Variants in EPB41L5 observed in about 807,000 individuals in gnomAD.
EPB41L5 encodes the protein band 4.1-like protein 5.
EPB41L5 carries 55 observed loss-of-function variants against 106.6 expected under a neutral mutation model. That is an observed-to-expected ratio of 0.52 (90% CI 0.42 to 0.65). The LOEUF is 0.65. Ranked by LOEUF, EPB41L5 falls within the 30% of genes least tolerant of loss-of-function variation. The pLI is 0.00. For missense variants in EPB41L5, 871 were observed against 882.1 expected, an observed-to-expected ratio of 0.99 and a Z score of 0.16; for synonymous variants, 297 against 306.7, an observed-to-expected ratio of 0.97 and a Z score of 0.33.
At chr2:120,033,079 A>C (rs1345971277) in intron 2 of EPB41L5, among the ~76,000 whole-genome samples, 2 of 152,230 alleles carry the variant, frequency 1.3e-5, no homozygotes, top group Non-Finnish European at 2.9e-5. Flanking sequence ...CACCATTTCT[A>C]AGGTTGATAC....
intron 12 of EPB41L5, among the ~76,000 whole-genome samples, 168 bp downstream of exon 12, chr2:120,090,684 G>C (rs1558866251): frequency 6.6e-6 from 1 of 152,112 alleles, no homozygotes; most frequent in Admixed American, 6.6e-5. Context: ...ATTGTTATTG[G>C]TTATAATTTC....
rs1017454547 is a variant in EPB41L5, at chr2:120,086,949, T to C, written c.804-222T>C. ...CATTTTCCTTAACATTTTTAATGTCTGATATGTGCAACCTCAATTTTGTCT... is the reference window on the plus strand; with the variant it reads ...CATTTTCCTTAACATTTTTAATGTCCGATATGTGCAACCTCAATTTTGTCT... On this transcript the variant is annotated intron_variant, in intron 10 of 24. Transcript: ENST00000263713. Among the ~76,000 whole-genome samples the C allele has an allele frequency of 2.7e-4, 41 of 152,218 alleles. 1 individual carries two copies. Among genetic ancestry groups the C allele is most frequent in the African/African-American group, 8.0e-4 (33 of 41,466 alleles).
At position 120,090,441 on chromosome 2, in the gene EPB41L5, T is replaced by A. The variant is rs757006069; in HGVS notation, c.968T>A (p.Phe323Tyr). Residue 323 changes from phenylalanine (F) to tyrosine (Y), a missense_variant, in exon 12 of 25, where the codon TTC becomes TAC. By Grantham distance (22) the Phe-to-Tyr change is conservative (BLOSUM62 3). Coordinates refer to ENST00000263713, the MANE Select transcript of EPB41L5 (RefSeq NM_020909.4). Reference sequence around the variant, plus strand: ...TGTGCTGTGGAGCATCATGCTTTCTTCCGCCTTCGAGGCCCCGTCCAAAAG... The same window carrying A: ...TGTGCTGTGGAGCATCATGCTTTCTACCGCCTTCGAGGCCCCGTCCAAAAG... The part of the protein sequence containing the change: ...WKCAVEHHAF[F>Y]RLRGPVQKSS... 3 of 1,613,874 alleles carry A rather than the reference T, an allele frequency of 1.9e-6. No homozygotes were observed. Among genetic ancestry groups the A allele is most frequent in the Non-Finnish European group, 2.5e-6 (3 of 1,179,846 alleles).
chr2:120,094,342 G>A lies in EPB41L5; in HGVS notation c.1178+1066G>A, dbSNP rs144872424. Among the ~76,000 whole-genome samples the A allele has an allele frequency of 9.2e-5, 14 of 152,044 alleles. No individual in the cohort carries two copies. The East Asian group carries it at 2.3e-3, about 25-fold the overall frequency. On this transcript the variant is annotated intron_variant, in intron 14 of 24. Coordinates refer to ENST00000263713, the MANE Select transcript of EPB41L5 (RefSeq NM_020909.4). ...GTTTGGGAGTTTGTATCTTTCTAGA[G>A]TTTTATCTCTTTTATCTGTGGTATC... is the stretch of plus-strand genomic sequence containing the variant.
At chr2:120,027,751 T>C (rs1307928970) in intron 2 of EPB41L5, among the ~76,000 whole-genome samples, 1 of 152,186 alleles carries the variant, frequency 6.6e-6, no homozygotes, top group Non-Finnish European at 1.5e-5. Context: ...AAAATTGATT[T>C]TTGTGATGGT....
intron 18 of EPB41L5, among the ~76,000 whole-genome samples, chr2:120,134,370 G>A (rs1194096624): frequency 6.6e-6 from 1 of 152,282 alleles, no homozygotes; most frequent in East Asian, 1.9e-4. Flanking sequence ...AGAACCTGCA[G>A]TCTTACAGAG....
At chr2:120,088,542 A>T (rs1236584561) in intron 11 of EPB41L5, among the ~76,000 whole-genome samples, 2 of 152,294 alleles carry the variant, frequency 1.3e-5, no homozygotes, top group East Asian at 3.9e-4. Flanking sequence ...CCACCATGAC[A>T]CGTGTTTACC....
Position 120,146,293 on chromosome 2 carries a change from C to T in EPB41L5, c.1793+4C>T. 1 of 1,602,516 alleles carries T rather than the reference C, an allele frequency of 6.2e-7. No individual in the cohort carries two copies. The highest frequency in any genetic ancestry group is 8.5e-7 in the Non-Finnish European group (1 of 1,169,906). On this transcript the variant is annotated splice_donor_region_variant and intron_variant, in intron 20 of 24. Coordinates refer to ENST00000263713, the MANE Select transcript of EPB41L5 (RefSeq NM_020909.4). ...TTCAGGATGCTGCCACAAACAGGTACAGTTCTGGGTAGACTGAATTAAATT... is the reference window on the plus strand; with the variant it reads ...TTCAGGATGCTGCCACAAACAGGTATAGTTCTGGGTAGACTGAATTAAATT...
chr2:120,016,979 A>T (rs898627441), intron 1 of EPB41L5, among the ~76,000 whole-genome samples: 2 of 152,228 alleles, frequency 1.3e-5, no homozygotes, highest in African/African-American at 4.8e-5. Context: ...GGATTAGTTT[A>T]CCTAATTACG....
rs201691752 is a variant in EPB41L5 at position 120,129,343 on chromosome 2, A to G, written c.1501+1492A>G. On this transcript the variant is annotated intron_variant, in intron 17 of 24. Coordinates refer to ENST00000263713, the MANE Select transcript of EPB41L5 (RefSeq NM_020909.4). Reference sequence around the variant, plus strand: ...AGAGCAAGACTCTGTCTCAAAAAAAAAAAGAAAGAAAGAAAGAAAAAATTA... The same window carrying G: ...AGAGCAAGACTCTGTCTCAAAAAAAGAAAGAAAGAAAGAAAGAAAAAATTA... Among the ~76,000 whole-genome samples, 237 of 148,474 alleles carry G rather than the reference A, an allele frequency of 1.6e-3. 1 individual carries two copies. Among genetic ancestry groups the G allele is most frequent in the Middle Eastern group, 6.9e-3 (2 of 288 alleles).
At chr2:120,120,924 C>T (rs1008599133) in intron 16 of EPB41L5, among the ~76,000 whole-genome samples, 6 of 152,230 alleles carry the variant, frequency 3.9e-5, no homozygotes, top group South Asian at 4.1e-4. Context: ...GAGACCAGCC[C>T]GGCCAACATG....
chr2:120,102,850 A>G (rs956038571), intron 16 of EPB41L5, among the ~76,000 whole-genome samples: 6 of 152,216 alleles, frequency 3.9e-5, no homozygotes, highest in Admixed American at 1.3e-4. Flanking sequence ...AAACCCATAA[A>G]TCATTTGTAA....
chr2:120,043,917 A>G (rs917734944), intron 3 of EPB41L5, among the ~76,000 whole-genome samples: 1 of 152,084 alleles, frequency 6.6e-6, no homozygotes, highest in Non-Finnish European at 1.5e-5. Context: ...GAGGCTGAGG[A>G]GGGAGGATAA....
At chr2:120,022,385 TG>T (rs1226834345) in intron 2 of EPB41L5, among the ~76,000 whole-genome samples, 1 of 147,920 alleles carries the variant, frequency 6.8e-6, no homozygotes, top group African/African-American at 2.5e-5. Context: ...TCCCTGTGTC[TG>T]TGTGTTCTCA....
chr2:120,024,833 C>T (rs568243539), intron 2 of EPB41L5, among the ~76,000 whole-genome samples: 1 of 152,320 alleles, frequency 6.6e-6, no homozygotes. Context: ...TTGAACCAGC[C>T]TTGCATCCCA....
intron 21 of EPB41L5, among the ~76,000 whole-genome samples, chr2:120,163,985 T>TTTTTTTA (rs1687273556): frequency 1.1e-5 from 1 of 91,558 alleles, no homozygotes; most frequent in African/African-American, 3.7e-5. Context: ...ATTTACTTTT[T>TTTTTTTA]TTTTTTTTTT....
intron 20 of EPB41L5, among the ~76,000 whole-genome samples, chr2:120,155,403 T>C (rs1317069271): frequency 1.3e-5 from 2 of 152,144 alleles, no homozygotes; most frequent in East Asian, 3.9e-4. Context: ...ACATGATGAG[T>C]CGTTTCTGTC....
chr2:120,082,755 G>A (rs1682766319), intron 10 of EPB41L5, among the ~76,000 whole-genome samples: 1 of 152,046 alleles, frequency 6.6e-6, no homozygotes, highest in Admixed American at 6.6e-5. Context: ...TTGGTTGGTA[G>A]ACTATTAATT....
intron 2 of EPB41L5, among the ~76,000 whole-genome samples, chr2:120,030,970 G>A (rs1360692679): frequency 2.6e-5 from 4 of 151,944 alleles, no homozygotes; most frequent in East Asian, 3.9e-4. Context: ...TCTGCCTCCC[G>A]GGTTCAAGTG....
Sources: gnomAD v4.1 joint callset for allele counts (sites outside exome capture counted in the v4.1 genomes callset) on GRCh38, gnomAD v4.1.1 for gene constraint, MANE v1.5 for transcripts, NCBI Gene and HGNC (gene_info 2026-07-23, HGNC 2026-07-21) for gene names.